Variants in XKR9 observed in about 807,000 individuals in gnomAD.
XKR9 encodes XK-related protein 9.
XKR9 carries 32 observed loss-of-function variants against 32.0 expected under a neutral mutation model. The observed-to-expected ratio is 1.00, with a 90% CI of 0.76 to 1.34. The LOEUF (loss-of-function observed/expected upper bound fraction) is 1.34, where lower values mean the gene tolerates loss of function less well. Among genes scored for constraint, XKR9 ranks in the 40% most tolerant of loss-of-function variants. The pLI is 0.00. For synonymous variants in XKR9, 168 were observed against 143.4 expected, an observed-to-expected ratio of 1.17 and a Z score of -1.22; for missense variants, 546 against 429.7, an observed-to-expected ratio of 1.27 and a Z score of -2.39.
At chr8:70,788,437 C>G (rs910592273) in intron 2 of XKR9, among the ~76,000 whole-genome samples, 1 of 152,004 alleles carries the variant, frequency 6.6e-6, no homozygotes, top group African/African-American at 2.4e-5. Context: ...GGTGGGCCAG[C>G]AAAGTTGTAT....
At chr8:70,965,992 T>C in the XKR9 span, among the ~76,000 whole-genome samples, 141 of 152,274 alleles carry the variant, frequency 9.3e-4, 1 homozygote, top group Non-Finnish European at 1.7e-3. Flanking sequence ...TTCTAGTTCT[T>C]TTAGTTGCGA....
intron 4 of XKR9, among the ~76,000 whole-genome samples, chr8:70,721,794 G>A (rs1226061085): frequency 6.6e-6 from 1 of 152,194 alleles, no homozygotes; most frequent in South Asian, 2.1e-4. Flanking sequence ...TTGGGGTGGA[G>A]AATTGTGTAG....
the XKR9 span, among the ~76,000 whole-genome samples, chr8:70,942,091 T>C: frequency 6.6e-6 from 1 of 152,124 alleles, no homozygotes; most frequent in African/African-American, 2.4e-5. Flanking sequence ...TTATTTTTTC[T>C]ATTTGGGAAT....
the XKR9 span, among the ~76,000 whole-genome samples, chr8:71,026,674 T>A: frequency 7.9e-5 from 12 of 152,254 alleles, no homozygotes; most frequent in Non-Finnish European, 1.6e-4. Context: ...ATGTTTTAGT[T>A]AACCTGTTTC....
At chr8:70,871,388 C>A in the XKR9 span, among the ~76,000 whole-genome samples, 24 of 152,142 alleles carry the variant, frequency 1.6e-4, no homozygotes, top group Non-Finnish European at 3.4e-4. Context: ...GGCAACCCTG[C>A]ATTAAGCATC....
the XKR9 span, among the ~76,000 whole-genome samples, chr8:70,925,165 T>C: frequency 6.6e-6 from 1 of 152,200 alleles, no homozygotes; most frequent in Admixed American, 6.5e-5. Context: ...TTTCTGTACT[T>C]TTTATAGTAC....
chr8:70,989,699 C>T, the XKR9 span, among the ~76,000 whole-genome samples: 1 of 152,104 alleles, frequency 6.6e-6, no homozygotes, highest in African/African-American at 2.4e-5. Flanking sequence ...AACAAAATTT[C>T]CCACTGTAAC....
the XKR9 span, among the ~76,000 whole-genome samples, chr8:70,821,185 T>G: frequency 1.3e-5 from 2 of 152,230 alleles, no homozygotes; most frequent in African/African-American, 2.4e-5. Context: ...ACAGGCCCCA[T>G]GCAAGTCTGA....
chr8:70,817,912 G>A, the XKR9 span, among the ~76,000 whole-genome samples: 1 of 152,194 alleles, frequency 6.6e-6, no homozygotes, highest in East Asian at 1.9e-4. Context: ...CTAGCCATAT[G>A]CAGAAGAATG....
chr8:70,676,268 C>G (rs1350060609), intron 2 of XKR9, among the ~76,000 whole-genome samples: 1 of 152,112 alleles, frequency 6.6e-6, no homozygotes, highest in Non-Finnish European at 1.5e-5. Context: ...AGAGATACAC[C>G]CCTATGACCC....
At chr8:70,764,044 G>A (rs1005920359) in intron 2 of XKR9, among the ~76,000 whole-genome samples, 1 of 152,170 alleles carries the variant, frequency 6.6e-6, no homozygotes, top group Non-Finnish European at 1.5e-5. Context: ...ACTGCAGATA[G>A]TTTTGAGTCT....
At chr8:71,037,097 C>T in the XKR9 span, among the ~76,000 whole-genome samples, 4 of 152,042 alleles carry the variant, frequency 2.6e-5, no homozygotes, top group Non-Finnish European at 4.4e-5. Flanking sequence ...GGTGAGTTAC[C>T]AGACAGATGG....
chr8:70,866,411 G>A, the XKR9 span, among the ~76,000 whole-genome samples: 2 of 152,194 alleles, frequency 1.3e-5, no homozygotes, highest in Non-Finnish European at 2.9e-5. Context: ...AAGTGATTGT[G>A]AAGGCAGTGG....
chr8:70,695,654 T>A (rs1230939640), intron 3 of XKR9, among the ~76,000 whole-genome samples: 1 of 151,990 alleles, frequency 6.6e-6, no homozygotes, highest in African/African-American at 2.4e-5. Context: ...GCATGTGTCT[T>A]TATAGCAGCA....
chr8:70,693,434 G>A (rs1805148584), intron 3 of XKR9, among the ~76,000 whole-genome samples: 1 of 152,170 alleles, frequency 6.6e-6, no homozygotes, highest in South Asian at 2.1e-4. Flanking sequence ...CACAGTTGCA[G>A]CTGTGTTCCC....
the XKR9 span, among the ~76,000 whole-genome samples, chr8:70,954,309 T>G: frequency 6.6e-6 from 1 of 152,124 alleles, no homozygotes; most frequent in Non-Finnish European, 1.5e-5. Flanking sequence ...CTCTTTGGTT[T>G]TTAAGGAGGG....
At chr8:70,765,523 T>G (rs1232573731) in intron 2 of XKR9, among the ~76,000 whole-genome samples, 1 of 152,224 alleles carries the variant, frequency 6.6e-6, no homozygotes, top group Non-Finnish European at 1.5e-5. Flanking sequence ...TTCTGTAGGT[T>G]GCCTGTTTAC....
intron 2 of XKR9, among the ~76,000 whole-genome samples, chr8:70,755,373 T>C (rs1807205977): frequency 6.6e-6 from 1 of 152,138 alleles, no homozygotes; most frequent in East Asian, 1.9e-4. Context: ...GATCTAGAAC[T>C]AGAAATACCA....
chr8:70,729,805 C>T (rs536889537), intron 4 of XKR9, among the ~76,000 whole-genome samples: 17 of 152,224 alleles, frequency 1.1e-4, no homozygotes, highest in Admixed American at 2.0e-4. Flanking sequence ...TACACAAATA[C>T]AGCCCAAAGA....
Sources: allele counts gnomAD v4.1 joint callset (sites outside exome capture counted in the v4.1 genomes callset), GRCh38; gene constraint gnomAD v4.1.1; transcripts MANE v1.5; gene names NCBI Gene and HGNC (gene_info 2026-07-23, HGNC 2026-07-21).